The following IL19 variants were observed in gnomAD, a reference collection of about 807,000 sequenced individuals.
IL19 encodes the protein interleukin-19.
In IL19, 15 loss-of-function variants were observed where a neutral mutation model predicts 19.5. The ratio of observed to expected loss-of-function variants is 0.77; its 90% confidence interval spans 0.52 to 1.19. The LOEUF is 1.19. IL19 is among the 50% of genes most tolerant of loss of function. The probability of loss-of-function intolerance (pLI) is 0.00; values close to 1 mark genes in which losing one functional copy is unlikely to be tolerated. For missense variants in IL19, 199 were observed against 213.1 expected, an observed-to-expected ratio of 0.93 and a Z score of 0.41; for synonymous variants, 78 against 78.3, an observed-to-expected ratio of 1.00 and a Z score of 0.02.
chr1:206,822,719 T>C (rs1676317658), intron 2 of IL19, among the ~76,000 whole-genome samples: 1 of 152,208 alleles, frequency 6.6e-6, no homozygotes, highest in Admixed American at 6.5e-5. Context: ...CTGTCTCTCC[T>C]ACTACTGTGA....
At chr1:206,788,537 T>A (rs1675317532) in intron 1 of IL19, among the ~76,000 whole-genome samples, 1 of 151,800 alleles carries the variant, frequency 6.6e-6, no homozygotes, top group Admixed American at 6.6e-5. Flanking sequence ...TTTTTTTTTT[T>A]ATCTCAAGAG....
intron 1 of IL19, among the ~76,000 whole-genome samples, chr1:206,784,833 T>C (rs566403827): frequency 1.3e-5 from 2 of 152,228 alleles, no homozygotes; most frequent in Non-Finnish European, 2.9e-5. Flanking sequence ...CGCAGTAAAA[T>C]GTCTGTGTTG....
chr1:206,831,642 T>C (rs1357118294), intron 2 of IL19, among the ~76,000 whole-genome samples: 2 of 152,228 alleles, frequency 1.3e-5, no homozygotes, highest in Admixed American at 1.3e-4. Flanking sequence ...TGAGGAATTA[T>C]GTGTAATCAC....
chr1:206,796,896 G>A (rs1016632057), intron 1 of IL19, among the ~76,000 whole-genome samples: 2 of 152,226 alleles, frequency 1.3e-5, no homozygotes, highest in Non-Finnish European at 2.9e-5. Context: ...AGTAATGGCT[G>A]TCTTGTGATC....
chr1:206,772,260 A>G (rs1674873531), intron 1 of IL19: 2 of 1,612,330 alleles, frequency 1.2e-6, no homozygotes, highest in Non-Finnish European at 8.5e-7. Context: ...ACAGGAAGGA[A>G]TCATACTCAC....
intron 2 of IL19, among the ~76,000 whole-genome samples, chr1:206,816,647 A>G (rs1241360713): frequency 6.6e-6 from 1 of 152,260 alleles, no homozygotes; most frequent in Non-Finnish European, 1.5e-5. Flanking sequence ...GTACAAATAG[A>G]AAACAAATAG....
chr1:206,814,453 G>A (rs1450017212), intron 2 of IL19, among the ~76,000 whole-genome samples: 1 of 149,392 alleles, frequency 6.7e-6, no homozygotes, highest in Non-Finnish European at 1.5e-5. Flanking sequence ...CACTTTAGGA[G>A]GCTAAGGTGG....
intron 1 of IL19, among the ~76,000 whole-genome samples, chr1:206,797,107 A>G (rs1675542687): frequency 6.6e-6 from 1 of 152,264 alleles, no homozygotes; most frequent in South Asian, 2.1e-4. Flanking sequence ...CACTCCCTGC[A>G]GTGTAGAGAC....
intron 2 of IL19, among the ~76,000 whole-genome samples, chr1:206,809,299 C>T (rs1374643720): frequency 2.0e-5 from 3 of 151,120 alleles, no homozygotes; most frequent in African/African-American, 7.3e-5. Context: ...TTCCACATAC[C>T]TATGTGAGAT....
At chr1:206,834,315 C>A (rs1196800815) in intron 2 of IL19, 2 of 985,520 alleles carry the variant, frequency 2.0e-6, no homozygotes, top group Non-Finnish European at 2.4e-6. Context: ...CTCTTATCCA[C>A]CTGAATAAAA....
Position 206,793,445 on chromosome 1 carries a change from C to T in IL19, c.-148-5416C>T, listed in dbSNP as rs75818671. 6.1e-4 allele frequency among the ~76,000 whole-genome samples: 93 copies of T among 152,276 alleles called. 1 individual carries two copies. Among genetic ancestry groups the T allele is most frequent in the African/African-American group, 2.1e-3 (89 of 41,552 alleles). ...CCCCTGGTTCCCTTGAGGGATTCCC[C>T]GACTGTGCGGCCTGGCAGTCGTGCT... On this transcript the variant is annotated intron_variant, in intron 1 of 6. Transcript: ENST00000659997.
intron 1 of IL19, among the ~76,000 whole-genome samples, chr1:206,785,862 A>G (rs572811554): frequency 1.3e-5 from 2 of 152,346 alleles, no homozygotes; most frequent in East Asian, 3.9e-4. Context: ...TAGAGTTTCT[A>G]CAGAGATGTT....
rs766916310 is a variant in IL19, at chr1:206,772,374, C to T, written c.-149+1296C>T. On this transcript the variant is annotated intron_variant, in intron 1 of 6. Coordinates refer to ENST00000659997, the MANE Select transcript of IL19 (RefSeq NM_153758.5). The stretch of plus-strand genomic sequence containing the variant: ...GCTGTTCTCAGACTGGGTGCCCTGG[C>T]CTGGGCTGGCCCTCACCCCAGTCAG... 51 of 1,614,064 alleles carry T rather than the reference C, an allele frequency of 3.2e-5. No individual in the cohort carries two copies. The highest frequency in any genetic ancestry group is 4.1e-5 in the Non-Finnish European group (48 of 1,180,034).
At position 206,836,759 on chromosome 1, in the gene IL19, G is replaced by C; in HGVS notation, c.97G>C (p.Asp33His). Reference sequence around the variant, plus strand: ...TCTCAGGAGATGTCTGATTTCCACAGACATGCACCATATAGAAGAGAGTTT... The same window carrying C: ...TCTCAGGAGATGTCTGATTTCCACACACATGCACCATATAGAAGAGAGTTT... ...HGLRRCLIST[D>H]MHHIEESFQE... Residue 33 changes from aspartate (D) to histidine (H), a missense_variant, in exon 3 of 7, where the codon GAC becomes CAC. Coordinates refer to ENST00000659997, the MANE Select transcript of IL19 (RefSeq NM_153758.5). 1 of 1,614,114 alleles carries C rather than the reference G, an allele frequency of 6.2e-7. No individual in the cohort carries two copies. The highest frequency in any genetic ancestry group is 8.5e-7 in the Non-Finnish European group (1 of 1,179,990).
chr1:206,806,490 G>C (rs1051200781), intron 2 of IL19, among the ~76,000 whole-genome samples: 35 of 152,154 alleles, frequency 2.3e-4, no homozygotes, highest in African/African-American at 8.4e-4. Context: ...CTAAATGTGA[G>C]AAGACAATGA....
chr1:206,799,051 C>G (rs752671226), intron 2 of IL19, 45 bp downstream of exon 2: 4 of 1,288,610 alleles, frequency 3.1e-6, no homozygotes, highest in Non-Finnish European at 4.5e-6. Context: ...GAGCCATTCT[C>G]TGGGACCAGA....
At chr1:206,815,174 G>A (rs1676121997) in intron 2 of IL19, among the ~76,000 whole-genome samples, 2 of 152,186 alleles carry the variant, frequency 1.3e-5, no homozygotes, top group East Asian at 3.8e-4. Context: ...TCTATCTCCA[G>A]GATGTTTGGG....
chr1:206,782,920 T>C (rs1675182021), intron 1 of IL19, among the ~76,000 whole-genome samples: 1 of 152,228 alleles, frequency 6.6e-6, no homozygotes, highest in East Asian at 1.9e-4. Flanking sequence ...TGGTAACTCT[T>C]GTGCTTTCTC....
chr1:206,840,039 T>C (rs2102491673), intron 5 of IL19, 37 bp downstream of exon 5: 2 of 1,613,092 alleles, frequency 1.2e-6, no homozygotes, highest in Non-Finnish European at 1.7e-6. Context: ...ATCTGCTCCC[T>C]GTCTGCCCAA....
Sources: gnomAD v4.1 joint callset for allele counts (sites outside exome capture counted in the v4.1 genomes callset) on GRCh38, gnomAD v4.1.1 for gene constraint, MANE v1.5 for transcripts, NCBI Gene and HGNC (gene_info 2026-07-23, HGNC 2026-07-21) for gene names.